The following ADGRG6 variants were observed in gnomAD, a reference collection of about 807,000 sequenced individuals.
ADGRG6 encodes the protein G-protein coupled receptor 126.
ADGRG6 carries 84 observed loss-of-function variants against 142.4 expected under a neutral mutation model. The ratio of observed to expected loss-of-function variants is 0.59; its 90% CI spans 0.49 to 0.71. ADGRG6 has a LOEUF of 0.71. ADGRG6 is among the 30% of genes least tolerant of loss of function. The pLI, the probability that ADGRG6 is intolerant of heterozygous loss-of-function variation, is 0.00. For missense variants in ADGRG6, 1,367 were observed against 1,466.6 expected, an observed-to-expected ratio of 0.93 and a Z score of 1.11; for synonymous variants, 521 against 520.5, an observed-to-expected ratio of 1.00 and a Z score of -0.01.
chr6:142,320,774 A>T (rs994941793), intron 2 of ADGRG6, among the ~76,000 whole-genome samples: 2 of 152,106 alleles, frequency 1.3e-5, no homozygotes, highest in Non-Finnish European at 2.9e-5. Context: ...TATTCATTGC[A>T]TAAGTGTGGT....
intron 22 of ADGRG6, among the ~76,000 whole-genome samples, chr6:142,430,290 G>C (rs943227074): frequency 6.6e-6 from 1 of 152,036 alleles, no homozygotes; most frequent in Non-Finnish European, 1.5e-5. Context: ...AGTGTCAGTG[G>C]CCTTTAGTTG....
chr6:142,313,804 A>G (rs1235625323), intron 2 of ADGRG6, among the ~76,000 whole-genome samples: 1 of 152,164 alleles, frequency 6.6e-6, no homozygotes, highest in African/African-American at 2.4e-5. Context: ...ATTACATTGC[A>G]ATCTATATTT....
chr6:142,382,066 C>A, intron 5 of ADGRG6, 47 bp downstream of exon 5: 2 of 1,137,236 alleles, frequency 1.8e-6, no homozygotes, highest in Non-Finnish European at 2.6e-6. Context: ...TTTCTACTTG[C>A]AATTTTGGGT....
chr6:142,437,662 G>A (rs958324692), intron 23 of ADGRG6, 127 bp downstream of exon 23: 35 of 622,392 alleles, frequency 5.6e-5, no homozygotes, highest in Middle Eastern at 2.8e-4. Context: ...GTGAAGATGC[G>A]TAGTTGGAAT....
chr6:142,338,021 T>TG (rs1562320998), intron 2 of ADGRG6, among the ~76,000 whole-genome samples: 11 of 30,484 alleles, frequency 3.6e-4, no homozygotes, highest in African/African-American at 4.7e-4. Flanking sequence ...ATCTTTGTTT[T>TG]TTTTTTTTTT....
intron 2 of ADGRG6, among the ~76,000 whole-genome samples, chr6:142,351,807 A>G (rs191026651): frequency 2.0e-5 from 3 of 152,322 alleles, no homozygotes; most frequent in African/African-American, 7.2e-5. Context: ...ACAAAGGTCA[A>G]ATATCCAGGA....
chr6:142,368,759 T>A (rs1583046301), intron 3 of ADGRG6, among the ~76,000 whole-genome samples: 4 of 152,238 alleles, frequency 2.6e-5, no homozygotes, highest in East Asian at 1.9e-4. Context: ...AAAACACACA[T>A]GCTTAAATTT....
chr6:142,323,354 C>T (rs995212457), intron 2 of ADGRG6, among the ~76,000 whole-genome samples: 2 of 151,734 alleles, frequency 1.3e-5, no homozygotes, highest in African/African-American at 4.8e-5. Flanking sequence ...AATTCCAGTA[C>T]GCATTAAAAA....
intron 22 of ADGRG6, among the ~76,000 whole-genome samples, chr6:142,432,666 G>A (rs1777267985): frequency 6.6e-6 from 1 of 152,002 alleles, no homozygotes; most frequent in South Asian, 2.1e-4. Flanking sequence ...TATGATATAG[G>A]GCAGCACTAT....
intron 20 of ADGRG6, 87 bp downstream of exon 20, chr6:142,416,151 A>T (rs1356767685): frequency 3.8e-5 from 37 of 968,472 alleles, no homozygotes; most frequent in Non-Finnish European, 4.7e-5. Context: ...TTAAAAAAAA[A>T]TAGTACCATT....
Position 142,319,292 on chromosome 6 carries a change from A to G in ADGRG6, c.103+9648A>G, listed in dbSNP as rs866016905. 2.0e-5 allele frequency among the ~76,000 whole-genome samples: 3 copies of G among 152,128 alleles called. No homozygotes were observed. In the East Asian group the frequency reaches 5.8e-4, roughly 29 times the overall value. ...TCAGAAATACCTTCTTTGTCTTTATAACTATCGCCTTTGAGGCTTTCATCT... is the reference window on the plus strand; with the variant it reads ...TCAGAAATACCTTCTTTGTCTTTATGACTATCGCCTTTGAGGCTTTCATCT... On this transcript the variant is annotated intron_variant, in intron 2 of 24. Coordinates refer to ENST00000367609, the MANE Select transcript of ADGRG6 (RefSeq NM_198569.3).
intron 1 of ADGRG6, among the ~76,000 whole-genome samples, chr6:142,308,200 T>C (rs1443145377): frequency 6.6e-6 from 1 of 151,982 alleles, no homozygotes; most frequent in African/African-American, 2.4e-5. Flanking sequence ...TTGAAAGGCA[T>C]CGTCTTATGT....
intron 9 of ADGRG6, 39 bp downstream of exon 9, chr6:142,393,997 T>TA: frequency 8.0e-7 from 1 of 1,254,320 alleles, no homozygotes; most frequent in Non-Finnish European, 1.1e-6. Context: ...TAACATTCTT[T>TA]CTCTTGCTCA....
chr6:142,360,587 C>T (rs774346371), intron 2 of ADGRG6, among the ~76,000 whole-genome samples: 9 of 152,138 alleles, frequency 5.9e-5, no homozygotes, highest in Non-Finnish European at 1.3e-4. Flanking sequence ...GGAATTAAAG[C>T]ACCTCTGTTT....
Position 142,405,717 on chromosome 6 carries a change from A to G in ADGRG6, c.2157A>G (p.Pro719=). The change falls in exon 15 of 25, where the codon CCA becomes CCG. Residue 719 remains proline (P), a synonymous_variant. Transcript: ENST00000367609. The stretch of plus-strand genomic sequence containing the variant: ...ATTTTGAGAGTGGACAAGTGGATCC[A>G]CTGGCATCTGTAATTTTGCCTCCAA... ...QMDFESGQVD[P]LASVILPPNL... 1 of 1,609,534 alleles carries G rather than the reference A, an allele frequency of 6.2e-7. No homozygotes were observed. Among genetic ancestry groups the G allele is most frequent in the Non-Finnish European group, 8.5e-7 (1 of 1,176,606 alleles).
rs1379657183 is a variant in ADGRG6 at position 142,388,010 on chromosome 6, A to G, written c.1223-2248A>G. ...TTAAAACACCGTGAGTGTTGTTAAC[A>G]TTTGTAAGAGAGGACAACTTTACTG... is the stretch of plus-strand genomic sequence containing the variant. On this transcript the variant is annotated intron_variant, in intron 6 of 24. Transcript: ENST00000367609. Among the ~76,000 whole-genome samples the G allele has an allele frequency of 3.3e-5, 5 of 152,206 alleles. No individual in the cohort carries two copies. In the East Asian group the frequency reaches 9.6e-4, roughly 29 times the overall value.
At chr6:142,399,334 T>C (rs1243152039) in intron 10 of ADGRG6, among the ~76,000 whole-genome samples, 1 of 152,214 alleles carries the variant, frequency 6.6e-6, no homozygotes, top group Non-Finnish European at 1.5e-5. Context: ...CTCATAGAGA[T>C]GGATGAATGC....
chr6:142,310,187 G>A (rs1213063090), intron 2 of ADGRG6, among the ~76,000 whole-genome samples: 2 of 151,600 alleles, frequency 1.3e-5, no homozygotes, highest in Non-Finnish European at 3.0e-5. Flanking sequence ...ATTTTTTCTA[G>A]TTACATTTTT....
chr6:142,443,520 T>G lies in ADGRG6; in HGVS notation c.*5T>G, dbSNP rs777433845. 3.1e-6 allele frequency: 5 copies of G among 1,592,434 alleles called. No individual in the cohort carries two copies. Among genetic ancestry groups the G allele is most frequent in the Admixed American group, 1.7e-5 (1 of 57,690 alleles). ...AGCCACAGCACAAAGTTTTAATGTC[T>G]TTAAGAAAAAGAAATCAATCTGCAG... On this transcript the variant is annotated 3_prime_UTR_variant, in exon 25 of 25. Coordinates refer to ENST00000367609, the MANE Select transcript of ADGRG6 (RefSeq NM_198569.3).
Sources: allele counts gnomAD v4.1 joint callset (sites outside exome capture counted in the v4.1 genomes callset), GRCh38; gene constraint gnomAD v4.1.1; transcripts MANE v1.5; gene names NCBI Gene and HGNC (gene_info 2026-07-23, HGNC 2026-07-21).